DCAF1: variants seen among roughly 807,000 people sequenced by gnomAD.
DCAF1 encodes the protein DDB1- and CUL4-associated factor 1.
A neutral mutation model predicts 128.0 loss-of-function variants in DCAF1; 15 were observed. The ratio of observed to expected loss-of-function variants is 0.12; its 90% CI spans 0.08 to 0.18. The LOEUF is 0.18. Among genes scored for constraint, DCAF1 ranks in the 10% least tolerant of loss-of-function variants. The pLI, the probability that DCAF1 is intolerant of heterozygous loss-of-function variation, is 1.00. For missense variants in DCAF1, 988 were observed against 1,649.5 expected (o/e 0.60, Z 6.95); for synonymous variants, 610 against 603.0 (o/e 1.01, Z -0.17).
intron 7 of DCAF1, among the ~76,000 whole-genome samples, chr3:51,443,096 G>GA (rs1206563635): frequency 2.7e-5 from 4 of 150,796 alleles, no homozygotes; most frequent in South Asian, 4.2e-4. Flanking sequence ...GGGGGGGAGG[G>GA]AAAAAAAAGG....
chr3:51,427,990 A>G (rs955205404), intron 12 of DCAF1, among the ~76,000 whole-genome samples: 7 of 152,124 alleles, frequency 4.6e-5, no homozygotes, highest in African/African-American at 1.7e-4. Context: ...ATTAAATAAT[A>G]ATACCTTTCA....
intron 24 of DCAF1, among the ~76,000 whole-genome samples, chr3:51,400,118 C>CT (rs1334763471): frequency 1.3e-5 from 2 of 152,220 alleles, no homozygotes; most frequent in Non-Finnish European, 2.9e-5. Flanking sequence ...GTTCCTGGGT[C>CT]TAAGTGGGCA....
In DCAF1 at chr3:51,420,366, G is replaced by A. The variant is rs782444653; in HGVS notation, c.2604C>T (p.Thr868=). 50 of 1,613,878 alleles carry A rather than the reference G, an allele frequency of 3.1e-5. No homozygotes were observed. Among genetic ancestry groups the A allele is most frequent in the Non-Finnish European group, 4.1e-5 (48 of 1,179,898 alleles). The change falls in exon 15 of 25, where the codon ACC becomes ACT. Residue 868 remains threonine (T), a synonymous_variant. Transcript: ENST00000684031. This position sits in a 1 kb window ranked among gnomAD's most constrained non-coding sequence, Gnocchi z 6.5. ...GCAGGTCAGCCTCTTTTGTCAGCAC[G>A]GTTGCTGTTTCTCCAAGCCCTTTAG... ...LISKGLGETA[T]VLTKEADLPM... is the part of the protein sequence containing the mutation.
At chr3:51,460,385 A>C (rs1456771353) in intron 6 of DCAF1, among the ~76,000 whole-genome samples, 4 of 152,190 alleles carry the variant, frequency 2.6e-5, no homozygotes, top group African/African-American at 9.7e-5. Flanking sequence ...GGAGAACTAC[A>C]AACCACTGCT....
At chr3:51,430,259 G>A (rs1553635246) in intron 10 of DCAF1, 47 bp from the exon 11 acceptor site, 1 of 754,396 alleles carries the variant, frequency 1.3e-6, no homozygotes, top group African/African-American at 1.7e-5. Flanking sequence ...TGTGGGCAAA[G>A]GAGCCCTTGA....
intron 24 of DCAF1, 73 bp from the exon 25 acceptor site, chr3:51,398,900 C>A (rs1312093393): frequency 1.3e-6 from 2 of 1,523,606 alleles, no homozygotes; most frequent in Non-Finnish European, 1.8e-6. Context: ...GAAGCACCTG[C>A]ACTCACATAC....
chr3:51,398,312 A>G lies in DCAF1; in HGVS notation c.*457T>C, dbSNP rs2106712172. 1 of 153,086 alleles carries G rather than the reference A, an allele frequency of 6.5e-6. No individual in the cohort carries two copies. Among genetic ancestry groups the G allele is most frequent in the African/African-American group, 2.4e-5 (1 of 41,586 alleles). 9.5% of individuals were successfully genotyped at this position (153,086 alleles called of 1,614,324 possible). ...TGTTCTTTAGACATCATTTTCTTCC[A>G]AAGAAAATGAAGTGCAGGGACAAGA... On this transcript the variant is annotated 3_prime_UTR_variant, in exon 25 of 25. Transcript: ENST00000684031.
intron 8 of DCAF1, 82 bp from the exon 9 acceptor site, chr3:51,441,153 C>CT: frequency 7.4e-7 from 1 of 1,347,852 alleles, no homozygotes; most frequent in South Asian, 1.3e-5. Flanking sequence ...GGATAGAAGC[C>CT]TAAAGAAATG....
chr3:51,429,891 A>G (rs527261342), intron 11 of DCAF1, 142 bp downstream of exon 11: 53 of 369,202 alleles, frequency 1.4e-4, no homozygotes, highest in African/African-American at 8.7e-4. Context: ...GAAGAAAGGG[A>G]AAAAAAAAAA....
At chr3:51,418,244 T>C (rs1553631121) in intron 16 of DCAF1, 46 bp from the exon 17 acceptor site, 1 of 1,566,392 alleles carries the variant, frequency 6.4e-7, no homozygotes, top group African/African-American at 1.4e-5. Flanking sequence ...TTTACATACA[T>C]GCAGATGTCA....
At chr3:51,414,081 A>C in intron 19 of DCAF1, 38 bp from the exon 20 acceptor site, 1 of 1,538,144 alleles carries the variant, frequency 6.5e-7, no homozygotes, top group Non-Finnish European at 8.8e-7. Flanking sequence ...ATTTTACACA[A>C]AACTTATCTA....
intron 22 of DCAF1, among the ~76,000 whole-genome samples, chr3:51,412,790 G>A (rs1232835655): frequency 1.3e-5 from 2 of 152,156 alleles, no homozygotes; most frequent in Non-Finnish European, 1.5e-5. Flanking sequence ...GATCCTCTAA[G>A]CTGTCTTATA....
intron 10 of DCAF1, among the ~76,000 whole-genome samples, chr3:51,430,415 A>G (rs1444749716): frequency 3.9e-5 from 6 of 152,258 alleles, no homozygotes; most frequent in Non-Finnish European, 8.8e-5. Context: ...ACCTAAATTT[A>G]GATAAATATT....
intron 6 of DCAF1, among the ~76,000 whole-genome samples, chr3:51,446,509 T>C (rs1477296868): frequency 6.6e-6 from 1 of 152,052 alleles, no homozygotes; most frequent in Non-Finnish European, 1.5e-5. Flanking sequence ...TGGACTCCTA[T>C]AGTTCACGCT....
At chr3:51,466,494 C>T (rs1259907878) in intron 5 of DCAF1, among the ~76,000 whole-genome samples, 2 of 152,178 alleles carry the variant, frequency 1.3e-5, no homozygotes, top group Admixed American at 1.3e-4. Flanking sequence ...GCATACCCCA[C>T]AGTGTCAGTG....
chr3:51,436,372 T>G (rs1553636685), intron 9 of DCAF1: 1 of 520,106 alleles, frequency 1.9e-6, no homozygotes, highest in Non-Finnish European at 3.8e-6. Context: ...ACCATTCAGA[T>G]GTTGCTGCAG....
intron 9 of DCAF1, chr3:51,440,273 A>G (rs1701244170): frequency 2.0e-5 from 8 of 406,938 alleles, no homozygotes; most frequent in Non-Finnish European, 4.8e-6. Context: ...AATAAAATGC[A>G]GAGAAATTAC....
chr3:51,409,349 T>C (rs907690339), intron 23 of DCAF1, among the ~76,000 whole-genome samples: 1 of 152,106 alleles, frequency 6.6e-6, no homozygotes, highest in Non-Finnish European at 1.5e-5. Flanking sequence ...ACCCAGAGAA[T>C]AGCCTTCCAA....
intron 22 of DCAF1, 75 bp from the exon 23 acceptor site, chr3:51,412,555 G>C: frequency 6.3e-7 from 1 of 1,598,500 alleles, no homozygotes. Flanking sequence ...GCCCTGACTG[G>C]TGCCCATGAC....
Sources: gnomAD v4.1 joint callset for allele counts (sites outside exome capture counted in the v4.1 genomes callset) on GRCh38, gnomAD v4.1.1 for gene constraint, Gnocchi (gnomAD v3.1) non-coding constraint, MANE v1.5 for transcripts, NCBI Gene and HGNC (gene_info 2026-07-23, HGNC 2026-07-21) for gene names.